The following PLCB1 variants were observed in gnomAD, a reference collection of about 807,000 sequenced individuals.
PLCB1 encodes the protein 1-phosphatidylinositol 4,5-bisphosphate phosphodiesterase beta-1.
PLCB1 carries 46 observed loss-of-function variants against 161.8 expected under a neutral mutation model. The ratio of observed to expected loss-of-function variants is 0.28; its 90% CI spans 0.22 to 0.36. The LOEUF (loss-of-function observed/expected upper bound fraction) is 0.36. Among genes scored for constraint, PLCB1 ranks in the 10% least tolerant of loss-of-function variants. The probability of loss-of-function intolerance (pLI) is 1.00; values close to 1 mark genes in which losing one functional copy is unlikely to be tolerated. For synonymous variants in PLCB1, 517 were observed against 503.7 expected (o/e 1.03, Z -0.35); for missense variants, 1,016 against 1,472.5 (o/e 0.69, Z 5.07).
chr20:8,611,838 C>T (rs965108603), intron 3 of PLCB1, among the ~76,000 whole-genome samples: 3 of 151,926 alleles, frequency 2.0e-5, no homozygotes, highest in South Asian at 2.1e-4. Context: ...CCTAGCTACT[C>T]GGGAGGCTGA....
At position 8,197,375 on chromosome 20, in the gene PLCB1, C is replaced by T. The variant is rs867039676; in HGVS notation, c.177+47004C>T. Among the ~76,000 whole-genome samples the T allele has an allele frequency of 1.2e-3, 190 of 152,262 alleles. 1 individual carries two copies. Among genetic ancestry groups the T allele is most frequent in the African/African-American group, 4.3e-3 (178 of 41,550 alleles). ...CATTCTAACTGGTGTGAGATGGTAT[C>T]TCATTGTGGTTTTGATTTGCATTTC... On this transcript the variant is annotated intron_variant, in intron 2 of 31. Coordinates refer to ENST00000338037, the MANE Select transcript of PLCB1 (RefSeq NM_015192.4).
At chr20:8,830,925 C>T (rs1288001287) in intron 31 of PLCB1, among the ~76,000 whole-genome samples, 21 of 152,118 alleles carry the variant, frequency 1.4e-4, no homozygotes, top group Admixed American at 1.4e-3. Flanking sequence ...TGCTTAAATT[C>T]ACAGCACCGT....
At chr20:8,417,111 G>T (rs1434459658) in intron 3 of PLCB1, among the ~76,000 whole-genome samples, 1 of 76,964 alleles carries the variant, frequency 1.3e-5, no homozygotes, top group Non-Finnish European at 2.4e-5. Flanking sequence ...TTTTGAGATG[G>T]AGTCTCACTC....
At chr20:8,711,830 C>T (rs554124158) in intron 12 of PLCB1, among the ~76,000 whole-genome samples, 1 of 152,172 alleles carries the variant, frequency 6.6e-6, no homozygotes, top group Non-Finnish European at 1.5e-5. Context: ...CTAGAAATAA[C>T]CTCAGAATCC....
chr20:8,651,801 A>G, intron 7 of PLCB1: 1 of 315,442 alleles, frequency 3.2e-6, no homozygotes, highest in East Asian at 4.9e-5. Flanking sequence ...TCATTCCAGA[A>G]AAAGAAAACA....
At chr20:8,548,549 T>C (rs1455689953) in intron 3 of PLCB1, among the ~76,000 whole-genome samples, 1 of 151,980 alleles carries the variant, frequency 6.6e-6, no homozygotes, top group Admixed American at 6.6e-5. Flanking sequence ...TTCTTTCTTT[T>C]TCTTCTATTA....
chr20:8,491,747 C>T (rs926632113), intron 3 of PLCB1, among the ~76,000 whole-genome samples: 10 of 152,098 alleles, frequency 6.6e-5, no homozygotes, highest in African/African-American at 2.4e-4. Context: ...GCAATATCTC[C>T]TCAACTCAGA....
chr20:8,791,251 A>T (rs909977109), intron 31 of PLCB1, among the ~76,000 whole-genome samples: 1 of 152,088 alleles, frequency 6.6e-6, no homozygotes, highest in African/African-American at 2.4e-5. Context: ...AATTACTTAG[A>T]TATGGTGCTA....
chr20:8,479,003 C>T (rs1346574575), intron 3 of PLCB1, among the ~76,000 whole-genome samples: 1 of 152,066 alleles, frequency 6.6e-6, no homozygotes, highest in Non-Finnish European at 1.5e-5. Context: ...GTGAAATTTT[C>T]GTTGTCATTA....
intron 7 of PLCB1, among the ~76,000 whole-genome samples, chr20:8,650,950 T>C (rs1989300321): frequency 6.6e-6 from 1 of 152,228 alleles, no homozygotes; most frequent in South Asian, 2.1e-4. Flanking sequence ...TTCATTTTTA[T>C]GCCTGACACA....
chr20:8,529,135 G>A (rs1054163580), intron 3 of PLCB1, among the ~76,000 whole-genome samples: 1 of 151,854 alleles, frequency 6.6e-6, no homozygotes, highest in African/African-American at 2.4e-5. Flanking sequence ...AAGAAATATT[G>A]ATGAATCATT....
intron 2 of PLCB1, among the ~76,000 whole-genome samples, chr20:8,190,654 T>C (rs559720712): frequency 6.3e-4 from 96 of 152,254 alleles, no homozygotes; most frequent in African/African-American, 2.3e-3. Flanking sequence ...ATGGTCTAAA[T>C]TGCCTTCTAT....
chr20:8,315,024 A>G (rs1393531754), intron 2 of PLCB1, among the ~76,000 whole-genome samples: 2 of 152,174 alleles, frequency 1.3e-5, no homozygotes, highest in African/African-American at 4.8e-5. Flanking sequence ...CTGAGGATGG[A>G]GCTCAAAGCC....
chr20:8,287,327 A>G (rs1983166991), intron 2 of PLCB1, among the ~76,000 whole-genome samples: 1 of 152,202 alleles, frequency 6.6e-6, no homozygotes, highest in African/African-American at 2.4e-5. Flanking sequence ...TATATTTAGC[A>G]CAGTGTTTCT....
rs2051701323 is a variant in PLCB1 at position 8,168,704 on chromosome 20, T to C, written c.177+18333T>C. Among the ~76,000 whole-genome samples, 3 of 152,170 alleles carry C rather than the reference T, an allele frequency of 2.0e-5. No individual in the cohort carries two copies. The South Asian group carries it at 6.2e-4, about 32-fold the overall frequency. ...ATACTAGTTTGTTGTGCTATTTTTT[T>C]TCTTCCTAAATGATTTGGAAGTGAT... On this transcript the variant is annotated intron_variant, in intron 2 of 31. Coordinates refer to ENST00000338037, the MANE Select transcript of PLCB1 (RefSeq NM_015192.4).
Position 8,673,677 on chromosome 20 carries a change from T to C in PLCB1, c.863-11255T>C, listed in dbSNP as rs923032308. ...CGGCTGAATTTGGAATTGCCGTTTT[T>C]AGTTGTCTATGATACAATATCGTTT... On this transcript the variant is annotated intron_variant, in intron 9 of 31. Transcript: ENST00000338037. Among the ~76,000 whole-genome samples the C allele has an allele frequency of 2.6e-5, 4 of 152,230 alleles. No homozygotes were observed. The East Asian group carries it at 7.7e-4, about 29-fold the overall frequency.
rs189240594 is a variant in PLCB1, at chr20:8,269,006, T to A, written c.178-102376T>A. The stretch of plus-strand genomic sequence containing the variant: ...TGGAGGAAGGGACATCAACTTTGCT[T>A]CAGAGAAAATGAATTTATCTCCTCA... On this transcript the variant is annotated intron_variant, in intron 2 of 31. Transcript: ENST00000338037. Among the ~76,000 whole-genome samples, 652 of 151,920 alleles carry A rather than the reference T, an allele frequency of 4.3e-3. 4 individuals carry two copies. Among genetic ancestry groups the A allele is most frequent in the African/African-American group, 0.014 (600 of 41,412 alleles).
At chr20:8,661,878 C>T (rs111232336) in intron 9 of PLCB1, among the ~76,000 whole-genome samples, 7 of 140,366 alleles carry the variant, frequency 5.0e-5, no homozygotes, top group African/African-American at 1.9e-4. Flanking sequence ...CAAGAGGCTA[C>T]ACACAGTGAC....
intron 3 of PLCB1, among the ~76,000 whole-genome samples, chr20:8,493,502 C>T (rs145939471): frequency 1.5e-4 from 23 of 152,302 alleles, no homozygotes; most frequent in East Asian, 1.2e-3. Flanking sequence ...TGGTTTGCTT[C>T]GTGTCTCTGG....
Sources: gnomAD v4.1 joint callset for allele counts (sites outside exome capture counted in the v4.1 genomes callset) on GRCh38, gnomAD v4.1.1 for gene constraint, MANE v1.5 for transcripts, NCBI Gene and HGNC (gene_info 2026-07-23, HGNC 2026-07-21) for gene names.